Variants in PLEKHA7 observed in about 807,000 individuals in gnomAD.
PLEKHA7 encodes the protein pleckstrin homology domain-containing family A member 7.
In PLEKHA7, 104 loss-of-function variants were observed where a neutral mutation model predicts 170.0. That is an observed-to-expected ratio of 0.61 (90% CI 0.52 to 0.72). The LOEUF (loss-of-function observed/expected upper bound fraction) is 0.72. Among genes scored for constraint, PLEKHA7 ranks in the 30% least tolerant of loss-of-function variants. PLEKHA7 has a pLI of 0.00. For synonymous variants in PLEKHA7, 648 were observed against 660.8 expected (o/e 0.98, Z 0.30); for missense variants, 1,615 against 1,671.7 (o/e 0.97, Z 0.59).
At chr11:16,899,154 T>G (rs567491739) in intron 3 of PLEKHA7, among the ~76,000 whole-genome samples, 1 of 152,184 alleles carries the variant, frequency 6.6e-6, no homozygotes, top group Non-Finnish European at 1.5e-5. Flanking sequence ...TAAACAATAT[T>G]TTGATTCAAT....
intron 3 of PLEKHA7, among the ~76,000 whole-genome samples, chr11:16,994,609 C>T (rs886160202): frequency 1.6e-4 from 25 of 152,150 alleles, no homozygotes; most frequent in Non-Finnish European, 2.2e-4. Flanking sequence ...TGGGACCCCT[C>T]CCTGGATCCT....
chr11:16,848,813 G>A (rs185311563), intron 8 of PLEKHA7, among the ~76,000 whole-genome samples: 8 of 152,220 alleles, frequency 5.3e-5, no homozygotes, highest in Admixed American at 3.9e-4. Flanking sequence ...AACTGTCTCC[G>A]ACAAGGTACC....
chr11:16,891,214 A>G (rs1295134575), intron 3 of PLEKHA7, among the ~76,000 whole-genome samples: 1 of 152,234 alleles, frequency 6.6e-6, no homozygotes, highest in African/African-American at 2.4e-5. Context: ...CCAGACTCAA[A>G]AAATATATTT....
intron 3 of PLEKHA7, among the ~76,000 whole-genome samples, chr11:16,975,314 A>G (rs1305230985): frequency 6.6e-6 from 1 of 152,230 alleles, no homozygotes; most frequent in Non-Finnish European, 1.5e-5. Flanking sequence ...TTATTTTGTG[A>G]TCAGCTACCA....
At chr11:16,948,949 G>A (rs965185656) in intron 3 of PLEKHA7, among the ~76,000 whole-genome samples, 3 of 152,146 alleles carry the variant, frequency 2.0e-5, no homozygotes, top group African/African-American at 7.2e-5. Flanking sequence ...GGACGTCATT[G>A]CTTCTCAGCA....
At chr11:16,884,026 G>C (rs1415492804) in intron 3 of PLEKHA7, among the ~76,000 whole-genome samples, 3 of 79,744 alleles carry the variant, frequency 3.8e-5, no homozygotes, top group Admixed American at 1.4e-4. Context: ...TTCACAAATA[G>C]AATAAAATTG....
At chr11:16,795,844 T>C (rs1362507329) in intron 17 of PLEKHA7, among the ~76,000 whole-genome samples, 1 of 133,350 alleles carries the variant, frequency 7.5e-6, no homozygotes, top group Non-Finnish European at 1.6e-5. Context: ...TTTACCACAG[T>C]TTTTTCCTTT....
chr11:16,889,364 C>T (rs1209645598), intron 3 of PLEKHA7, among the ~76,000 whole-genome samples: 2 of 141,920 alleles, frequency 1.4e-5, no homozygotes, highest in African/African-American at 5.2e-5. Context: ...CAGACTCAGT[C>T]CACCTGCACC....
intron 3 of PLEKHA7, among the ~76,000 whole-genome samples, chr11:16,928,321 CA>C (rs1246195091): frequency 1.3e-5 from 2 of 151,498 alleles, no homozygotes; most frequent in South Asian, 4.2e-4. Context: ...AAAACAAAAA[CA>C]AAAAAACAGA....
At chr11:16,865,729 T>C (rs1485143288) in intron 4 of PLEKHA7, among the ~76,000 whole-genome samples, 4 of 152,062 alleles carry the variant, frequency 2.6e-5, no homozygotes, top group African/African-American at 9.7e-5. Context: ...ACTCTAGTCA[T>C]ACAGCAAAAG....
intron 3 of PLEKHA7, among the ~76,000 whole-genome samples, chr11:16,913,775 A>C (rs766440701): frequency 1.3e-5 from 2 of 152,202 alleles, no homozygotes; most frequent in African/African-American, 4.8e-5. Flanking sequence ...TTCTGTGCAC[A>C]ATGGTCAGAA....
chr11:16,995,157 A>G (rs1471700650), intron 3 of PLEKHA7, among the ~76,000 whole-genome samples: 1 of 152,210 alleles, frequency 6.6e-6, no homozygotes, highest in African/African-American at 2.4e-5. Flanking sequence ...AACAGGCTCC[A>G]GAGTACACAA....
At chr11:16,826,621 CCA>C (rs778687881) in intron 9 of PLEKHA7, 31 bp from the exon 10 acceptor site, 1 of 1,574,804 alleles carries the variant, frequency 6.3e-7, no homozygotes, top group South Asian at 1.1e-5. Context: ...TCAGTTTGCT[CCA>C]CAGCCAAGAC....
intron 8 of PLEKHA7, among the ~76,000 whole-genome samples, chr11:16,845,496 A>T (rs1852322325): frequency 2.0e-5 from 3 of 152,082 alleles, no homozygotes; most frequent in African/African-American, 7.2e-5. Flanking sequence ...CCTCCTGAGT[A>T]GCCTGGACTA....
chr11:16,983,706 G>A (rs185880175), intron 3 of PLEKHA7, among the ~76,000 whole-genome samples: 6 of 152,218 alleles, frequency 3.9e-5, no homozygotes, highest in Non-Finnish European at 5.9e-5. Context: ...GGCAGGAACA[G>A]CCAAAGAATC....
At position 16,817,529 on chromosome 11, in the gene PLEKHA7, C is replaced by T; in HGVS notation, c.1344-207G>A. ...AACCATTTTTCTCTGTCAACTTCCT[C>T]TGCCAGGACAACTTGGCTACCCCAT... On this transcript the variant is annotated intron_variant, in intron 10 of 26. Coordinates refer to ENST00000531066, the MANE Select transcript of PLEKHA7 (RefSeq NM_001329630.2). This position sits in a 1 kb window ranked among gnomAD's most constrained non-coding sequence, Gnocchi z 4.4. 1 of 510,150 alleles carries T rather than the reference C, an allele frequency of 2.0e-6. No homozygotes were observed. The highest frequency in any genetic ancestry group is 3.4e-6 in the Non-Finnish European group (1 of 294,964). The allele number at this position is 510,150 out of a possible 1,614,324, so 31.6% of individuals were successfully genotyped here. A position where few individuals can be genotyped will look rare whatever the true frequency, so the allele number is the denominator to read the frequency against.
chr11:16,991,654 G>A (rs529507313), intron 3 of PLEKHA7, among the ~76,000 whole-genome samples: 3 of 152,188 alleles, frequency 2.0e-5, no homozygotes, highest in African/African-American at 4.8e-5. Flanking sequence ...AATGAGGCCA[G>A]AGAGGTAATG....
chr11:16,799,170 T>A (rs560920606), intron 17 of PLEKHA7, among the ~76,000 whole-genome samples: 59 of 152,352 alleles, frequency 3.9e-4, no homozygotes, highest in African/African-American at 1.3e-3. Context: ...TTGGGCAGCA[T>A]AAATTTTGGA....
chr11:16,888,111 C>T lies in PLEKHA7; in HGVS notation c.222-16929G>A, dbSNP rs377622646. On this transcript the variant is annotated intron_variant, in intron 3 of 26. Coordinates refer to ENST00000531066, the MANE Select transcript of PLEKHA7 (RefSeq NM_001329630.2). ...CCATCTGAGAAGTGAGGAGCCCCTCCGCCTGGCAGCCGCCCCATCTGAGAA... is the reference window on the plus strand; with the variant it reads ...CCATCTGAGAAGTGAGGAGCCCCTCTGCCTGGCAGCCGCCCCATCTGAGAA... Among the ~76,000 whole-genome samples, 36 of 149,858 alleles carry T rather than the reference C, an allele frequency of 2.4e-4. No homozygotes were observed. The East Asian group carries it at 3.0e-3, about 12-fold the overall frequency.
Sources: allele counts gnomAD v4.1 joint callset (sites outside exome capture counted in the v4.1 genomes callset), GRCh38; gene constraint gnomAD v4.1.1; non-coding constraint Gnocchi (gnomAD v3.1); transcripts MANE v1.5; gene names NCBI Gene and HGNC (gene_info 2026-07-23, HGNC 2026-07-21).